TAFA1: variants seen among roughly 807,000 people sequenced by gnomAD.
The protein encoded by TAFA1 is TAFA chemokine like family member 1, also known as chemokine-like protein TAFA-1.
In TAFA1, 4 loss-of-function variants were observed where a neutral mutation model predicts 18.5. The ratio of observed to expected loss-of-function variants is 0.22; its 90% CI spans 0.11 to 0.49. The LOEUF (loss-of-function observed/expected upper bound fraction) is 0.49. Ranked by LOEUF, TAFA1 falls within the 20% of genes least tolerant of loss-of-function variation. The probability of loss-of-function intolerance (pLI) is 0.98; values close to 1 mark genes in which losing one functional copy is unlikely to be tolerated. For missense variants in TAFA1, 147 were observed against 169.0 expected (o/e 0.87, Z 0.72); for synonymous variants, 56 against 55.2 (o/e 1.01, Z -0.06).
chr3:68,023,463 C>T (rs573358765), intron 2 of TAFA1, among the ~76,000 whole-genome samples: 2 of 152,256 alleles, frequency 1.3e-5, no homozygotes, highest in Non-Finnish European at 2.9e-5. Flanking sequence ...ATGGCTTAAC[C>T]CGGTAGCAAG....
At chr3:68,144,995 G>A in intron 2 of TAFA1, 2 of 1,506,776 alleles carry the variant, frequency 1.3e-6, no homozygotes, top group Non-Finnish European at 1.8e-6. Context: ...CCGGAGACCG[G>A]CCGTGAAGAT....
At chr3:68,433,646 T>C (rs146739080) in intron 3 of TAFA1, among the ~76,000 whole-genome samples, 4 of 152,244 alleles carry the variant, frequency 2.6e-5, no homozygotes, top group African/African-American at 9.6e-5. Flanking sequence ...ACTTATGTAG[T>C]GGGACAAGAT....
At chr3:68,318,823 C>G (rs1575773637) in intron 2 of TAFA1, among the ~76,000 whole-genome samples, 1 of 152,150 alleles carries the variant, frequency 6.6e-6, no homozygotes, top group East Asian at 1.9e-4. Context: ...TTTAAACCCT[C>G]TGAATCATGT....
chr3:68,378,844 C>CCT (rs915665055), intron 2 of TAFA1, among the ~76,000 whole-genome samples: 1 of 151,960 alleles, frequency 6.6e-6, no homozygotes, highest in Non-Finnish European at 1.5e-5. Flanking sequence ...TTCACACACT[C>CCT]CTCTCTCTCT....
intron 3 of TAFA1, among the ~76,000 whole-genome samples, chr3:68,489,097 A>T (rs2072404603): frequency 6.6e-6 from 1 of 152,224 alleles, no homozygotes; most frequent in Non-Finnish European, 1.5e-5. Flanking sequence ...CAAGTCACAT[A>T]GCTAGTAAGG....
chr3:68,322,496 A>C (rs1358998313), intron 2 of TAFA1, among the ~76,000 whole-genome samples: 1 of 152,162 alleles, frequency 6.6e-6, no homozygotes, highest in Admixed American at 6.5e-5. Flanking sequence ...GTTTTGGAGA[A>C]GTTACATGTC....
rs116142561 is a variant in TAFA1, at chr3:68,198,090, G to A, written c.118+191346G>A. Among the ~76,000 whole-genome samples, 790 of 151,702 alleles carry A rather than the reference G, an allele frequency of 5.2e-3. 3 individuals are homozygous for A. The highest frequency in any genetic ancestry group is 0.018 in the African/African-American group (764 of 41,460). On this transcript the variant is annotated intron_variant, in intron 2 of 4. Transcript: ENST00000478136. Reference sequence around the variant, plus strand: ...TGAAAATCTCAATTTCTAAAGTTTTGCCTTTTCCAGAAAGTATTATAATTG... The same window carrying A: ...TGAAAATCTCAATTTCTAAAGTTTTACCTTTTCCAGAAAGTATTATAATTG...
intron 2 of TAFA1, among the ~76,000 whole-genome samples, chr3:68,108,435 GGTGTGTGTGT>G (rs59097248): frequency 2.8e-5 from 4 of 141,218 alleles, no homozygotes; most frequent in East Asian, 2.0e-4. Flanking sequence ...TTTATTTGAA[GGTGTGTGTGT>G]GTGTGTGTGT....
At chr3:68,079,091 A>C (rs1205944309) in intron 2 of TAFA1, among the ~76,000 whole-genome samples, 4 of 152,092 alleles carry the variant, frequency 2.6e-5, no homozygotes, top group Non-Finnish European at 5.9e-5. Flanking sequence ...TTTCTAGTTT[A>C]TCTGCATAGA....
chr3:68,441,141 G>T (rs2071371195), intron 3 of TAFA1, among the ~76,000 whole-genome samples: 1 of 152,144 alleles, frequency 6.6e-6, no homozygotes, highest in South Asian at 2.1e-4. Flanking sequence ...GATTTTGGAG[G>T]AAACATATTC....
intron 2 of TAFA1, among the ~76,000 whole-genome samples, chr3:68,305,017 T>C (rs1317154567): frequency 6.6e-6 from 1 of 152,116 alleles, no homozygotes; most frequent in African/African-American, 2.4e-5. Context: ...TGGCCAAAAC[T>C]AAGTACCACA....
At chr3:68,485,046 G>C (rs1368724822) in intron 3 of TAFA1, among the ~76,000 whole-genome samples, 1 of 152,064 alleles carries the variant, frequency 6.6e-6, no homozygotes, top group Non-Finnish European at 1.5e-5. Context: ...GAATTTTAAG[G>C]AGGTGGATGT....
At chr3:68,526,672 G>A (rs1402227699) in intron 3 of TAFA1, among the ~76,000 whole-genome samples, 1 of 152,066 alleles carries the variant, frequency 6.6e-6, no homozygotes, top group African/African-American at 2.4e-5. Flanking sequence ...CTCTCATAAT[G>A]TACTTTTTAA....
chr3:68,105,469 G>T (rs2065192699), intron 2 of TAFA1, among the ~76,000 whole-genome samples: 2 of 152,066 alleles, frequency 1.3e-5, no homozygotes, highest in African/African-American at 2.4e-5. Flanking sequence ...TCAAGGTGAG[G>T]TTATCTTAAT....
intron 3 of TAFA1, among the ~76,000 whole-genome samples, chr3:68,452,534 A>AG (rs980374497): frequency 6.6e-6 from 1 of 151,372 alleles, no homozygotes; most frequent in African/African-American, 2.4e-5. Flanking sequence ...AAAAAAAAAA[A>AG]AAAAAAACTA....
At chr3:68,370,472 G>GTATATATATA (rs749877780) in intron 2 of TAFA1, among the ~76,000 whole-genome samples, 9 of 33,028 alleles carry the variant, frequency 2.7e-4, no homozygotes, top group Non-Finnish European at 3.1e-4. Flanking sequence ...GTGTGTGTGT[G>GTATATATATA]TATATATATA....
intron 2 of TAFA1, among the ~76,000 whole-genome samples, chr3:68,331,842 T>C (rs1194034262): frequency 6.8e-6 from 1 of 147,180 alleles, no homozygotes; most frequent in African/African-American, 2.5e-5. Flanking sequence ...GGGTAAAGGA[T>C]AGTCTTTTCT....
At chr3:68,286,896 A>C (rs1463356087) in intron 2 of TAFA1, among the ~76,000 whole-genome samples, 1 of 152,252 alleles carries the variant, frequency 6.6e-6, no homozygotes, top group African/African-American at 2.4e-5. Context: ...CAGGACAGCC[A>C]GGCCCCCTGA....
chr3:68,276,227 A>C (rs2067793856), intron 2 of TAFA1, among the ~76,000 whole-genome samples: 1 of 152,124 alleles, frequency 6.6e-6, no homozygotes, highest in Non-Finnish European at 1.5e-5. Flanking sequence ...AATAACAAGA[A>C]AAGAAAAAAA....
Sources: allele counts gnomAD v4.1 joint callset (sites outside exome capture counted in the v4.1 genomes callset), GRCh38; gene constraint gnomAD v4.1.1; transcripts MANE v1.5; gene names NCBI Gene and HGNC (gene_info 2026-07-23, HGNC 2026-07-21).